SCN2A: variants seen among roughly 807,000 people sequenced by gnomAD.
SCN2A encodes sodium channel protein type 2 subunit alpha.
A neutral mutation model predicts 188.7 loss-of-function variants in SCN2A; 20 were observed. That is an observed-to-expected ratio of 0.11 (90% CI 0.07 to 0.15). The LOEUF is 0.15. Among genes scored for constraint, SCN2A ranks in the 10% least tolerant of loss-of-function variants. The pLI is 1.00. For synonymous variants in SCN2A, 804 were observed against 833.1 expected (o/e 0.97, Z 0.60); for missense variants, 1,278 against 2,445.0 (o/e 0.52, Z 10.07).
At chr2:165,338,625 A>G (rs1699143324) in intron 14 of SCN2A, among the ~76,000 whole-genome samples, 1 of 152,208 alleles carries the variant, frequency 6.6e-6, no homozygotes, top group Admixed American at 6.5e-5. Flanking sequence ...AGTATCCCTC[A>G]TGAACACAGA....
intron 21 of SCN2A, among the ~76,000 whole-genome samples, chr2:165,373,724 A>G (rs113584511): frequency 2.0e-5 from 3 of 152,234 alleles, no homozygotes; most frequent in African/African-American, 7.2e-5. Context: ...CTCCGCTGTG[A>G]TACACTTTGA....
intron 3 of SCN2A, among the ~76,000 whole-genome samples, chr2:165,303,645 A>T (rs1343656718): frequency 1.3e-5 from 2 of 152,196 alleles, no homozygotes; most frequent in African/African-American, 4.8e-5. Flanking sequence ...TTTGTAAAGT[A>T]TGTGACTGAT....
chr2:165,264,956 C>T (rs1020780872), intron 1 of SCN2A, among the ~76,000 whole-genome samples: 6 of 151,866 alleles, frequency 4.0e-5, no homozygotes, highest in African/African-American at 9.7e-5. Flanking sequence ...TTTATAATAG[C>T]GTGATTTATA....
intron 1 of SCN2A, chr2:165,274,104 A>G (rs1483774324): frequency 6.6e-6 from 1 of 152,180 alleles, no homozygotes; most frequent in East Asian, 1.9e-4. Context: ...ATGAAGCTAT[A>G]CAAAATATTT....
At chr2:165,314,821 C>T (rs184201179) in intron 10 of SCN2A, among the ~76,000 whole-genome samples, 1 of 152,098 alleles carries the variant, frequency 6.6e-6, no homozygotes, top group Non-Finnish European at 1.5e-5. Context: ...ATACAATTCC[C>T]TTTTATTACC....
intron 17 of SCN2A, 142 bp from the exon 18 acceptor site, chr2:165,365,001 C>T (rs907901881): frequency 9.3e-6 from 7 of 755,854 alleles, no homozygotes; most frequent in Non-Finnish European, 1.5e-5. Context: ...TTTACCAAAG[C>T]GGATTGGCAT....
At chr2:165,385,711 A>G (rs1263841328) in intron 25 of SCN2A, among the ~76,000 whole-genome samples, 1 of 152,186 alleles carries the variant, frequency 6.6e-6, no homozygotes, top group Admixed American at 6.6e-5. Flanking sequence ...TTTCTCTAGA[A>G]TGATGATTTT....
chr2:165,285,781 T>A (rs1259495481), intron 1 of SCN2A: 1 of 164,622 alleles, frequency 6.1e-6, no homozygotes, highest in Non-Finnish European at 1.3e-5. Flanking sequence ...GGCCCCAGGG[T>A]GGTATTAAAA....
chr2:165,368,357 T>C (rs186585569), intron 19 of SCN2A, among the ~76,000 whole-genome samples: 25 of 152,244 alleles, frequency 1.6e-4, no homozygotes, highest in Non-Finnish European at 3.1e-4. Flanking sequence ...GGGTGCACCA[T>C]GGGTGGTTTT....
At chr2:165,249,149 C>T (rs1254157917) in intron 1 of SCN2A, among the ~76,000 whole-genome samples, 5 of 152,100 alleles carry the variant, frequency 3.3e-5, no homozygotes, top group African/African-American at 4.8e-5. Flanking sequence ...AAGTCAGGAA[C>T]TTGGTCATCA....
At chr2:165,285,238 C>T (rs1695777791) in intron 1 of SCN2A, 1 of 153,164 alleles carries the variant, frequency 6.5e-6, no homozygotes, top group Non-Finnish European at 1.5e-5. Context: ...TAGACTGTTC[C>T]ACCAGGAGCC....
chr2:165,250,859 A>T (rs545580688), intron 1 of SCN2A, among the ~76,000 whole-genome samples: 1 of 152,062 alleles, frequency 6.6e-6, no homozygotes, highest in Non-Finnish European at 1.5e-5. Context: ...CTTAACTACC[A>T]ACAAATTTGA....
intron 17 of SCN2A, among the ~76,000 whole-genome samples, chr2:165,358,010 GGT>G (rs1302643722): frequency 1.3e-5 from 2 of 152,020 alleles, no homozygotes; most frequent in Non-Finnish European, 2.9e-5. Flanking sequence ...TACAAAGCAT[GGT>G]CAGGCAAGTC....
chr2:165,349,841 TGA>T (rs953207740), intron 16 of SCN2A, among the ~76,000 whole-genome samples: 9 of 152,186 alleles, frequency 5.9e-5, no homozygotes, highest in South Asian at 2.1e-4. Context: ...TGAATGAACT[TGA>T]TATACTCACT....
At chr2:165,378,242 C>T (rs1428358854) in intron 23 of SCN2A, among the ~76,000 whole-genome samples, 4 of 145,842 alleles carry the variant, frequency 2.7e-5, no homozygotes, top group African/African-American at 1.0e-4. Context: ...AGATTGATTT[C>T]TGGTATGCCA....
intron 1 of SCN2A, among the ~76,000 whole-genome samples, chr2:165,252,132 G>T (rs937986468): frequency 6.7e-6 from 1 of 148,418 alleles, no homozygotes; most frequent in Non-Finnish European, 1.5e-5. Flanking sequence ...ATCTAAGTAC[G>T]AAAAAAAAAT....
chr2:165,256,002 T>TTTTTTTC (rs1257714617), intron 1 of SCN2A, among the ~76,000 whole-genome samples: 4 of 135,658 alleles, frequency 2.9e-5, no homozygotes, highest in African/African-American at 1.1e-4. Flanking sequence ...GCTCTTTTCT[T>TTTTTTTC]TTTTTTTTTT....
At chr2:165,386,201 C>G (rs1411899499) in intron 25 of SCN2A, among the ~76,000 whole-genome samples, 1 of 151,920 alleles carries the variant, frequency 6.6e-6, no homozygotes, top group Non-Finnish European at 1.5e-5. Flanking sequence ...CATGGTGGCT[C>G]ATGCCTGTAA....
chr2:165,336,934 C>T (rs965853000), intron 14 of SCN2A, among the ~76,000 whole-genome samples: 2 of 151,472 alleles, frequency 1.3e-5, no homozygotes, highest in Admixed American at 6.6e-5. Flanking sequence ...TGATATGCAA[C>T]GAAATAGGGA....
Sources: allele counts gnomAD v4.1 joint callset (sites outside exome capture counted in the v4.1 genomes callset), GRCh38; gene constraint gnomAD v4.1.1; transcripts MANE v1.5; gene names NCBI Gene and HGNC (gene_info 2026-07-23, HGNC 2026-07-21).